The following QSER1 variants were observed in gnomAD, a reference collection of about 807,000 sequenced individuals.
The protein encoded by QSER1 is glutamine and serine-rich protein 1.
In QSER1, 49 loss-of-function variants were observed where a neutral mutation model predicts 158.5. The ratio of observed to expected loss-of-function variants is 0.31; its 90% CI spans 0.25 to 0.39. The LOEUF (loss-of-function observed/expected upper bound fraction) is 0.39, where lower values mean the gene tolerates loss of function less well. Ranked by LOEUF, QSER1 falls within the 10% of genes least tolerant of loss-of-function variation. The probability of loss-of-function intolerance (pLI) is 1.00; values close to 1 mark genes in which losing one functional copy is unlikely to be tolerated. For synonymous variants in QSER1, 650 were observed against 715.5 expected, an observed-to-expected ratio of 0.91 and a Z score of 1.46; for missense variants, 1,754 against 2,010.3, an observed-to-expected ratio of 0.87 and a Z score of 2.44.
intron 1 of QSER1, among the ~76,000 whole-genome samples, chr11:32,917,087 G>A (rs1281456380): frequency 1.1e-4 from 17 of 152,040 alleles, no homozygotes; most frequent in Non-Finnish European, 1.6e-4. Context: ...ACGCCCGGCC[G>A]GGCATGACTC....
intron 12 of QSER1, 186 bp downstream of exon 12, chr11:32,975,529 T>G: frequency 6.9e-7 from 1 of 1,452,684 alleles, no homozygotes; most frequent in African/African-American, 1.4e-5. Flanking sequence ...TGTGCTCAGA[T>G]TTACCCGAGC....
rs1158838964 is a variant in QSER1 at position 32,935,256 on chromosome 11, T to C, written c.3998T>C (p.Val1333Ala). 1 of 1,613,964 alleles carries C rather than the reference T, an allele frequency of 6.2e-7. No homozygotes were observed. The highest frequency in any genetic ancestry group is 1.1e-5 in the South Asian group (1 of 91,034). Residue 1333 changes from valine (V) to alanine (A), a missense_variant, in exon 4 of 13, where the codon GTG becomes GCG. Around this residue, in one of 2 missense-constraint regions of QSER1, gnomAD observed 1,707 missense variants for 1,919.6 expected, o/e 0.89. Coordinates refer to ENST00000650167, the MANE Select transcript of QSER1 (RefSeq NM_001076786.3). ...TCATCTACAACACCCACACCTTTAGTGTCTGAAACTGGCGGTAACAGTCCA... is the reference window on the plus strand; with the variant it reads ...TCATCTACAACACCCACACCTTTAGCGTCTGAAACTGGCGGTAACAGTCCA... ...KPSSTTPTPLVSETGGNSPSD... is the reference protein window; with the variant it reads ...KPSSTTPTPLASETGGNSPSD...
chr11:32,969,273 T>C, intron 10 of QSER1, 130 bp downstream of exon 10: 2 of 620,360 alleles, frequency 3.2e-6, no homozygotes, highest in Non-Finnish European at 5.6e-6. Context: ...CTTTTATTCA[T>C]TGTAAGTCCA....
intron 1 of QSER1, among the ~76,000 whole-genome samples, chr11:32,911,427 A>T (rs914443325): frequency 6.6e-6 from 1 of 152,146 alleles, no homozygotes; most frequent in East Asian, 1.9e-4. Flanking sequence ...ATAAAAAAAT[A>T]AAAAAGTACC....
intron 4 of QSER1, among the ~76,000 whole-genome samples, chr11:32,952,467 G>C (rs960624738): frequency 6.6e-5 from 9 of 137,130 alleles, no homozygotes; most frequent in African/African-American, 2.2e-4. Context: ...ATCCCACGTG[G>C]TCATATTGTA....
In QSER1 at chr11:32,957,817, T is replaced by C. The variant is rs1852546854; in HGVS notation, c.4752-52T>C. On this transcript the variant is annotated intron_variant, in intron 7 of 12. Coordinates refer to ENST00000650167, the MANE Select transcript of QSER1 (RefSeq NM_001076786.3). ...TTCTCTTTTATTTTTCTATTTTATT[T>C]TAGTTTAACAAGATTTCAGTGTGTT... is the stretch of plus-strand genomic sequence containing the variant. 3.6e-6 allele frequency: 5 copies of C among 1,383,156 alleles called. No homozygotes were observed. The Admixed American group carries it at 1.0e-4, about 28-fold the overall frequency. The allele number at this position is 1,383,156 out of a possible 1,614,324, so 85.7% of individuals were successfully genotyped here.
At position 32,932,507 on chromosome 11, in the gene QSER1, C is replaced by T. The variant is rs1186668694; in HGVS notation, c.1249C>T (p.Pro417Ser). ...TKIKSCSTEQ[P>S]LTSTKTPKPQ... is the part of the protein sequence containing the mutation. ...AATAAAAAGCTGTTCTACAGAACAA[C>T]CACTGACATCAACCAAGACCCCTAA... Residue 417 changes from proline to serine, a missense_variant, in exon 4 of 13, where the codon CCA becomes TCA. Transcript: ENST00000650167. 5 of 1,614,066 alleles carry T rather than the reference C, an allele frequency of 3.1e-6. No individual in the cohort carries two copies. Among genetic ancestry groups the T allele is most frequent in the Non-Finnish European group, 4.2e-6 (5 of 1,179,996 alleles).
intron 8 of QSER1, among the ~76,000 whole-genome samples, chr11:32,962,130 T>A (rs1265530609): frequency 6.6e-6 from 1 of 152,220 alleles, no homozygotes; most frequent in Non-Finnish European, 1.5e-5. Context: ...TTTTTCCACA[T>A]CCTTTGCTAA....
At chr11:32,895,597 G>A (rs1851544404) in intron 1 of QSER1, among the ~76,000 whole-genome samples, 1 of 151,998 alleles carries the variant, frequency 6.6e-6, no homozygotes, top group Non-Finnish European at 1.5e-5. Flanking sequence ...GTTCCCCTTT[G>A]TGGCAGTTTC....
At chr11:32,913,668 T>A (rs953306507) in intron 1 of QSER1, among the ~76,000 whole-genome samples, 1 of 152,240 alleles carries the variant, frequency 6.6e-6, no homozygotes, top group Non-Finnish European at 1.5e-5. Context: ...AATAGTAGCA[T>A]TGATTCAGCA....
At chr11:32,941,635 A>T (rs1383564211) in intron 4 of QSER1, among the ~76,000 whole-genome samples, 2 of 152,188 alleles carry the variant, frequency 1.3e-5, no homozygotes, top group Non-Finnish European at 2.9e-5. Context: ...CTATCATTGT[A>T]GGACATTTGG....
intron 1 of QSER1, among the ~76,000 whole-genome samples, chr11:32,922,507 C>T (rs1489711820): frequency 7.6e-6 from 1 of 131,284 alleles, no homozygotes; most frequent in South Asian, 2.3e-4. Context: ...TTTTTTGAGC[C>T]AGAGTCTCAC....
rs1852979970 is a variant in QSER1, at chr11:32,976,469, T to G, written c.5590T>G (p.Ser1864Ala). 2.5e-6 allele frequency: 4 copies of G among 1,608,930 alleles called. No homozygotes were observed. The highest frequency in any genetic ancestry group is 1.1e-5 in the South Asian group (1 of 89,840). The change falls in exon 13 of 13, where the codon TCC becomes GCC. Residue 1864 changes from serine to alanine, a missense_variant. Transcript: ENST00000650167. ...TCTAAATCATGTACAGCAGAAATGT[T>G]CCTGACTTTTCCACAAAAATCCCAT... is the stretch of plus-strand genomic sequence containing the variant. Reference protein sequence around the residue: ...ELLNHVQQKCS With the variant: ...ELLNHVQQKCA
At chr11:32,899,282 C>G (rs1173602816) in intron 1 of QSER1, among the ~76,000 whole-genome samples, 1 of 152,096 alleles carries the variant, frequency 6.6e-6, no homozygotes, top group Non-Finnish European at 1.5e-5. Flanking sequence ...ATTGGAAGCC[C>G]CTTTCTTCCT....
intron 1 of QSER1, among the ~76,000 whole-genome samples, chr11:32,913,436 G>A (rs1296666749): frequency 1.3e-5 from 2 of 151,796 alleles, no homozygotes; most frequent in South Asian, 2.1e-4. Context: ...CTCATGATCC[G>A]CCCACCTTGG....
At chr11:32,952,132 G>A (rs116876723) in intron 4 of QSER1, among the ~76,000 whole-genome samples, 2,834 of 152,246 alleles carry the variant, frequency 0.019, 44 homozygotes, top group South Asian at 0.039. Flanking sequence ...GAGCCACTGC[G>A]CCCAGGCCTT....
At chr11:32,940,531 G>GT (rs1294652594) in intron 4 of QSER1, among the ~76,000 whole-genome samples, 2 of 151,808 alleles carry the variant, frequency 1.3e-5, no homozygotes, top group East Asian at 1.9e-4. Context: ...AAACTGGGAG[G>GT]TTTTTTTTCT....
chr11:32,942,611 T>C (rs1033837173), intron 4 of QSER1, among the ~76,000 whole-genome samples: 4 of 152,220 alleles, frequency 2.6e-5, no homozygotes, highest in African/African-American at 9.7e-5. Flanking sequence ...TTGGTACCAG[T>C]ACCATGCTGT....
intron 1 of QSER1, among the ~76,000 whole-genome samples, chr11:32,898,342 C>T (rs995300301): frequency 3.9e-5 from 6 of 152,032 alleles, no homozygotes; most frequent in Non-Finnish European, 5.9e-5. Context: ...AAAAATTAGC[C>T]GTGCATGGTG....
Sources: allele counts gnomAD v4.1 joint callset (sites outside exome capture counted in the v4.1 genomes callset), GRCh38; gene constraint gnomAD v4.1.1; regional missense constraint gnomAD v4.1.1; transcripts MANE v1.5; gene names NCBI Gene and HGNC (gene_info 2026-07-23, HGNC 2026-07-21).